The following SF3B1 variants were observed in gnomAD, a reference collection of about 807,000 sequenced individuals.
SF3B1 encodes the protein splicing factor 3b subunit 1.
SF3B1 carries 12 observed loss-of-function variants against 153.8 expected under a neutral mutation model. The ratio of observed to expected loss-of-function variants is 0.08; its 90% CI spans 0.05 to 0.13. SF3B1 has a LOEUF of 0.13. Ranked by LOEUF, SF3B1 falls within the 10% of genes least tolerant of loss-of-function variation. The probability of loss-of-function intolerance (pLI) is 1.00; values close to 1 mark genes in which losing one functional copy is unlikely to be tolerated. For missense variants in SF3B1, 513 were observed against 1,606.1 expected (o/e 0.32, Z 11.63); for synonymous variants, 498 against 525.2 (o/e 0.95, Z 0.71).
Position 197,390,423 on chromosome 2 carries a change from G to A in SF3B1, c.*1880C>T, listed in dbSNP as rs1295230177. On this transcript the variant is annotated 3_prime_UTR_variant, in exon 25 of 25. Coordinates refer to ENST00000335508, the MANE Select transcript of SF3B1 (RefSeq NM_012433.4). ...AAGGTCATTTGACATCAACCATAGAGAGCAGTGAGATTTAAAGTTGCATGG... is the reference window on the plus strand; with the variant it reads ...AAGGTCATTTGACATCAACCATAGAAAGCAGTGAGATTTAAAGTTGCATGG... 6.6e-6 allele frequency: 1 copy of A among 152,214 alleles called. No homozygotes were observed. The highest frequency in any genetic ancestry group is 1.5e-5 in the Non-Finnish European group (1 of 68,044). The allele number at this position is 152,214 out of a possible 1,614,324, so 9.4% of individuals were successfully genotyped here.
intron 6 of SF3B1, among the ~76,000 whole-genome samples, chr2:197,412,970 C>CAAAAAAAAAAAAAAAAAAA (rs779446735): frequency 6.6e-5 from 3 of 45,486 alleles, no homozygotes; most frequent in African/African-American, 6.6e-5. Flanking sequence ...ACTGTTGTCT[C>CAAAAAAAAAAAAAAAAAAA]AAAAAAAAAA....
At chr2:197,396,429 A>G in intron 22 of SF3B1, 101 bp from the exon 23 acceptor site, 1 of 912,284 alleles carries the variant, frequency 1.1e-6, no homozygotes. Context: ...ATTAATAATT[A>G]CAGGGAACTC....
chr2:197,409,155 T>C (rs1423910665), intron 7 of SF3B1, among the ~76,000 whole-genome samples: 2 of 151,990 alleles, frequency 1.3e-5, no homozygotes, highest in African/African-American at 4.8e-5. Context: ...ATCCCAGCAT[T>C]TCAGAAGGCC....
At chr2:197,432,486 AT>A (rs1434406353) in intron 1 of SF3B1, among the ~76,000 whole-genome samples, 3 of 152,238 alleles carry the variant, frequency 2.0e-5, no homozygotes, top group Non-Finnish European at 4.4e-5. Context: ...TTCTTTTTAT[AT>A]TTCAATCCTG....
intron 5 of SF3B1, among the ~76,000 whole-genome samples, chr2:197,418,129 G>A (rs934450253): frequency 4.7e-5 from 7 of 150,344 alleles, no homozygotes; most frequent in Non-Finnish European, 8.9e-5. Context: ...CCAGCTACTC[G>A]GGAGGCTGAA....
intron 7 of SF3B1, 22 bp downstream of exon 7, chr2:197,409,748 A>C (rs1401768502): frequency 5.2e-6 from 8 of 1,548,192 alleles, no homozygotes; most frequent in African/African-American, 1.4e-5. Context: ...TCACCCACAC[A>C]CCCATACTCC....
chr2:197,405,806 T>C (rs2084984544), intron 9 of SF3B1, among the ~76,000 whole-genome samples: 1 of 152,052 alleles, frequency 6.6e-6, no homozygotes, highest in African/African-American at 2.4e-5. Flanking sequence ...AAAAATGCTG[T>C]AGTCGAGCAA....
chr2:197,430,756 C>T (rs960734446), intron 1 of SF3B1, among the ~76,000 whole-genome samples: 1 of 151,956 alleles, frequency 6.6e-6, no homozygotes, highest in Non-Finnish European at 1.5e-5. Flanking sequence ...GCCCAGCCTA[C>T]CCTAGTGTTA....
rs755415626 is a variant in SF3B1, at chr2:197,401,887, C to T, written c.2225G>A (p.Gly742Asp). ...WKGIRQHRGK[G>D]LAAFLKAIGY... ...AATAGCCTTCAAGAAAGCAGCCAAA[C>T]CCTATTTTTAAATAAAAAATATATG... The change falls in exon 16 of 25, where the codon GGT (glycine) becomes GAT (aspartate). Residue 742 changes from glycine to aspartate, a missense_variant and splice_region_variant. By Grantham distance (94) the Gly-to-Asp change is moderately conservative. Around this residue, in one of 21 missense-constraint regions of SF3B1, gnomAD observed 50 missense variants for 236.5 expected, o/e 0.21. Transcript: ENST00000335508. This position sits in a 1 kb window ranked among gnomAD's most constrained non-coding sequence, Gnocchi z 4.2. The T allele has an allele frequency of 4.4e-6, 7 of 1,587,838 alleles. No individual in the cohort carries two copies. The highest frequency in any genetic ancestry group is 6.0e-6 in the Non-Finnish European group (7 of 1,172,784).
intron 4 of SF3B1, chr2:197,418,852 T>C: frequency 1.9e-6 from 3 of 1,554,602 alleles, no homozygotes; most frequent in South Asian, 2.4e-5. Context: ...GTTTAGAGTC[T>C]TCAGAAGTGA....
In SF3B1 at chr2:197,405,470, T is replaced by C; in HGVS notation, c.1242A>G (p.Val414=). ...GAACATAACCAGCTGGAGGAGGAAG[T>C]ACCTAATAAAAGTTATAAGACAGTT... is the stretch of plus-strand genomic sequence containing the variant. ...LDAMFPEGYK[V]LPPPAGYVPI... The change falls in exon 10 of 25, where the codon GTA becomes GTG. Residue 414 remains valine, a splice_region_variant and synonymous_variant. Transcript: ENST00000335508. 6.2e-7 allele frequency: 1 copy of C among 1,606,214 alleles called. No individual in the cohort carries two copies. The highest frequency in any genetic ancestry group is 8.5e-7 in the Non-Finnish European group (1 of 1,174,754).
chr2:197,416,449 G>T, intron 6 of SF3B1: 1 of 259,032 alleles, frequency 3.9e-6, no homozygotes, highest in Non-Finnish European at 7.3e-6. Flanking sequence ...TCATGAGGGT[G>T]GGGCCCTAAT....
At chr2:197,414,316 C>A (rs2085115923) in intron 6 of SF3B1, among the ~76,000 whole-genome samples, 1 of 152,194 alleles carries the variant, frequency 6.6e-6, no homozygotes. Flanking sequence ...TGGCAGCTAT[C>A]TTATACAAAC....
Position 197,396,259 on chromosome 2 carries a change from G to A in SF3B1, c.3336C>T (p.Thr1112=), listed in dbSNP as rs1457869011. Residue 1112 remains threonine, a synonymous_variant, in exon 23 of 25, where the codon ACC becomes ACT. Transcript: ENST00000335508. ...KVQERQNRVC[T]TVAIAIVAET... is the part of the protein sequence containing the mutation. ...CTGCAACAATAGCTATTGCTACAGT[G>A]GTACAAACTCTGTTCTGCCTTTCTT... 2.5e-6 allele frequency: 4 copies of A among 1,613,314 alleles called. No homozygotes were observed. Among genetic ancestry groups the A allele is most frequent in the Non-Finnish European group, 3.4e-6 (4 of 1,179,478 alleles).
In SF3B1 at chr2:197,420,418, A is replaced by G; in HGVS notation, c.415+10T>C. On this transcript the variant is annotated intron_variant, in intron 4 of 24. Coordinates refer to ENST00000335508, the MANE Select transcript of SF3B1 (RefSeq NM_012433.4). ...TTCTGAATACTTATAGAAAAGTGGG[A>G]AAGAATTACCATCTGCAAAAGGATC... 1 of 1,588,002 alleles carries G rather than the reference A, an allele frequency of 6.3e-7. No homozygotes were observed. Among genetic ancestry groups the G allele is most frequent in the Non-Finnish European group, 8.6e-7 (1 of 1,156,574 alleles).
In SF3B1 at chr2:197,408,533, C is replaced by T. The variant is rs143402906; in HGVS notation, c.953G>A (p.Arg318Gln). 6.2e-7 allele frequency: 1 copy of T among 1,613,074 alleles called. No homozygotes were observed. Among genetic ancestry groups the T allele is most frequent in the Non-Finnish European group, 8.5e-7 (1 of 1,179,976 alleles). Residue 318 changes from arginine (R) to glutamine (Q), a missense_variant, in exon 8 of 25, where the codon CGA becomes CAA. Transcript: ENST00000335508. ...TGTTTCACCAATAGAATCTCCACCT[C>T]GATCTGTTCGAGGAGTCTCAGCCCA... ...SGWAETPRTD[R>Q]GGDSIGETPT...
chr2:197,417,882 T>C (rs2085176385), intron 5 of SF3B1, among the ~76,000 whole-genome samples: 2 of 152,218 alleles, frequency 1.3e-5, no homozygotes, highest in South Asian at 2.1e-4. Context: ...CACTGAACTC[T>C]GACTTTTCCC....
intron 11 of SF3B1, among the ~76,000 whole-genome samples, chr2:197,404,267 C>T (rs2084964847): frequency 6.6e-6 from 1 of 151,982 alleles, no homozygotes; most frequent in African/African-American, 2.4e-5. Context: ...CTCTTGAGCC[C>T]AGGAGTATTT....
chr2:197,418,621 A>G, intron 4 of SF3B1, 33 bp from the exon 5 acceptor site: 1 of 1,594,464 alleles, frequency 6.3e-7, no homozygotes, highest in Non-Finnish European at 8.5e-7. Context: ...GAAAAAGAGT[A>G]CAATAAATAA....
Sources: gnomAD v4.1 joint callset for allele counts (sites outside exome capture counted in the v4.1 genomes callset) on GRCh38, gnomAD v4.1.1 for gene constraint, gnomAD v4.1.1 regional missense constraint, Gnocchi (gnomAD v3.1) non-coding constraint, MANE v1.5 for transcripts, NCBI Gene and HGNC (gene_info 2026-07-23, HGNC 2026-07-21) for gene names.